Variants in NRXN1 observed in about 807,000 individuals in gnomAD.
NRXN1 encodes neurexin-1.
NRXN1 carries 39 observed loss-of-function variants against 150.9 expected under a neutral mutation model. That is an observed-to-expected ratio of 0.26 (90% CI 0.20 to 0.34). The LOEUF is 0.34. Among genes scored for constraint, NRXN1 ranks in the 10% least tolerant of loss-of-function variants. NRXN1 has a pLI of 1.00. For synonymous variants in NRXN1, 924 were observed against 757.0 expected (o/e 1.22, Z -3.62); for missense variants, 1,815 against 1,949.9 (o/e 0.93, Z 1.30).
intron 5 of NRXN1, among the ~76,000 whole-genome samples, chr2:50,907,910 G>A (rs1482055281): frequency 2.0e-5 from 3 of 152,002 alleles, no homozygotes; most frequent in Admixed American, 6.6e-5. Flanking sequence ...AATTTGTTAT[G>A]GCATCAATAG....
intron 12 of NRXN1, among the ~76,000 whole-genome samples, chr2:50,520,558 T>C (rs1413015615): frequency 6.6e-6 from 1 of 151,986 alleles, no homozygotes; most frequent in Non-Finnish European, 1.5e-5. Flanking sequence ...AATTTTGTTA[T>C]GAAGGTCCCT....
chr2:50,377,595 T>A (rs1219721138), intron 17 of NRXN1, among the ~76,000 whole-genome samples: 1 of 152,154 alleles, frequency 6.6e-6, no homozygotes. Flanking sequence ...AGTGCCCACA[T>A]ACTAAACGCT....
At chr2:50,822,163 T>C (rs1669829930) in intron 5 of NRXN1, among the ~76,000 whole-genome samples, 2 of 152,116 alleles carry the variant, frequency 1.3e-5, no homozygotes, top group Non-Finnish European at 2.9e-5. Context: ...TCTATGTGAG[T>C]GCTAACATAA....
At chr2:50,055,173 C>T in intron 19 of NRXN1, 129 bp from the exon 20 acceptor site, 1 of 580,762 alleles carries the variant, frequency 1.7e-6, no homozygotes, top group South Asian at 2.3e-5. Flanking sequence ...AAAAGTTCTA[C>T]CTAGAACATT....
At chr2:50,475,936 A>G (rs1041216578) in intron 15 of NRXN1, among the ~76,000 whole-genome samples, 2 of 152,108 alleles carry the variant, frequency 1.3e-5, no homozygotes, top group Admixed American at 1.3e-4. Context: ...GTGCATGTGA[A>G]GGAGGATATA....
chr2:50,649,005 C>G (rs1175095096), intron 5 of NRXN1, among the ~76,000 whole-genome samples: 1 of 151,864 alleles, frequency 6.6e-6, no homozygotes, highest in African/African-American at 2.4e-5. Context: ...CTGAATGTCC[C>G]CTTCCTCAGA....
intron 5 of NRXN1, among the ~76,000 whole-genome samples, chr2:50,782,563 T>G (rs982590488): frequency 6.6e-6 from 1 of 152,178 alleles, no homozygotes; most frequent in Admixed American, 6.6e-5. Flanking sequence ...TCTATACTTT[T>G]GTATAGTGTG....
At chr2:50,943,994 C>T (rs928404611) in intron 2 of NRXN1, among the ~76,000 whole-genome samples, 8 of 152,104 alleles carry the variant, frequency 5.3e-5, no homozygotes, top group African/African-American at 1.9e-4. Context: ...AACGAAAAAC[C>T]ATCTTGCATC....
At chr2:50,608,304 C>G (rs1224635656) in intron 8 of NRXN1, among the ~76,000 whole-genome samples, 1 of 152,138 alleles carries the variant, frequency 6.6e-6, no homozygotes, top group Non-Finnish European at 1.5e-5. Context: ...CAGTGATTTT[C>G]AAACTTTAAT....
At chr2:50,261,483 G>T (rs919617649) in intron 17 of NRXN1, among the ~76,000 whole-genome samples, 5 of 151,752 alleles carry the variant, frequency 3.3e-5, no homozygotes, top group Non-Finnish European at 7.4e-5. Context: ...ACAGAATAAA[G>T]TGTTGGCCAA....
intron 5 of NRXN1, among the ~76,000 whole-genome samples, chr2:50,734,400 G>A (rs1232225526): frequency 6.6e-6 from 1 of 152,156 alleles, no homozygotes; most frequent in East Asian, 1.9e-4. Flanking sequence ...ACAAGGGCAG[G>A]TCATCATTTC....
chr2:50,062,467 C>T (rs1694690862), intron 19 of NRXN1, among the ~76,000 whole-genome samples: 1 of 152,120 alleles, frequency 6.6e-6, no homozygotes, highest in Admixed American at 6.6e-5. Flanking sequence ...TTAAGCCACT[C>T]AGTTAATAAT....
At chr2:50,244,043 T>C (rs1200544667) in intron 17 of NRXN1, among the ~76,000 whole-genome samples, 1 of 151,890 alleles carries the variant, frequency 6.6e-6, no homozygotes, top group Non-Finnish European at 1.5e-5. Context: ...CCCAAAACTT[T>C]TCTCTAATAA....
chr2:50,703,973 A>T (rs1312987495), intron 5 of NRXN1, among the ~76,000 whole-genome samples: 1 of 152,140 alleles, frequency 6.6e-6, no homozygotes, highest in Non-Finnish European at 1.5e-5. Flanking sequence ...GCACAATTCA[A>T]AATATATTAA....
intron 9 of NRXN1, among the ~76,000 whole-genome samples, chr2:50,552,001 G>A (rs1396656750): frequency 6.6e-6 from 1 of 152,138 alleles, no homozygotes; most frequent in African/African-American, 2.4e-5. Context: ...ATAAAATGCA[G>A]CAACAGGAAG....
intron 18 of NRXN1, among the ~76,000 whole-genome samples, chr2:50,136,573 T>C (rs1462732309): frequency 1.3e-5 from 2 of 152,146 alleles, no homozygotes; most frequent in African/African-American, 4.8e-5. Flanking sequence ...ATCTCTATCC[T>C]CTCCTTCCCT....
chr2:50,156,940 A>G (rs753917866), intron 18 of NRXN1, among the ~76,000 whole-genome samples: 13 of 152,024 alleles, frequency 8.6e-5, no homozygotes, highest in African/African-American at 1.4e-4. Context: ...AAAGAACAAT[A>G]ACAACTAATA....
At chr2:50,323,662 G>A (rs994796096) in intron 17 of NRXN1, among the ~76,000 whole-genome samples, 1 of 151,902 alleles carries the variant, frequency 6.6e-6, no homozygotes, top group African/African-American at 2.4e-5. Flanking sequence ...ATGGTTCAGT[G>A]AAAATCTTTT....
chr2:50,888,522 T>C (rs1680599663), intron 5 of NRXN1, among the ~76,000 whole-genome samples: 1 of 151,510 alleles, frequency 6.6e-6, no homozygotes, highest in African/African-American at 2.4e-5. Flanking sequence ...TCTTCCTTCT[T>C]TCCTTTCTTG....
Sources: gnomAD v4.1 joint callset for allele counts (sites outside exome capture counted in the v4.1 genomes callset) on GRCh38, gnomAD v4.1.1 for gene constraint, MANE v1.5 for transcripts, NCBI Gene and HGNC (gene_info 2026-07-23, HGNC 2026-07-21) for gene names.